Variants in PDE3B observed in about 807,000 individuals in gnomAD.
The protein encoded by PDE3B is phosphodiesterase 3B.
In PDE3B, 66 loss-of-function variants were observed where a neutral mutation model predicts 116.8. That is an observed-to-expected ratio of 0.56 (90% CI 0.46 to 0.69). The LOEUF (loss-of-function observed/expected upper bound fraction) is 0.69. Ranked by LOEUF, PDE3B falls within the 30% of genes least tolerant of loss-of-function variation. The pLI, the probability that PDE3B is intolerant of heterozygous loss-of-function variation, is 0.00. For synonymous variants in PDE3B, 595 were observed against 533.6 expected (o/e 1.12, Z -1.59); for missense variants, 1,384 against 1,368.1 (o/e 1.01, Z -0.18).
chr11:14,749,727 A>G (rs898134451), intron 1 of PDE3B, among the ~76,000 whole-genome samples: 2 of 151,298 alleles, frequency 1.3e-5, no homozygotes, highest in African/African-American at 4.9e-5. Flanking sequence ...AGAATCCATG[A>G]ATAGGATTCA....
intron 12 of PDE3B, among the ~76,000 whole-genome samples, chr11:14,855,596 C>G (rs1810344644): frequency 6.6e-6 from 1 of 151,922 alleles, no homozygotes; most frequent in Non-Finnish European, 1.5e-5. Flanking sequence ...CCTCATCGAA[C>G]TTACATTCTA....
chr11:14,889,745 A>C, the PDE3B span, among the ~76,000 whole-genome samples: 1 of 152,200 alleles, frequency 6.6e-6, no homozygotes, highest in African/African-American at 2.4e-5. Flanking sequence ...GAAAAGCTTA[A>C]TTCCTTTTTC....
At chr11:14,655,549 A>T (rs1488104237) in intron 1 of PDE3B, among the ~76,000 whole-genome samples, 4 of 152,156 alleles carry the variant, frequency 2.6e-5, no homozygotes, top group Non-Finnish European at 5.9e-5. Flanking sequence ...TCAATAAGAT[A>T]TGGTTCTATC....
At chr11:14,705,466 TCA>T (rs1855502826) in intron 1 of PDE3B, among the ~76,000 whole-genome samples, 1 of 151,790 alleles carries the variant, frequency 6.6e-6, no homozygotes, top group South Asian at 2.1e-4. Context: ...AGAAAGCAGA[TCA>T]GTGACTTGGG....
At chr11:14,878,465 C>G in the PDE3B span, among the ~76,000 whole-genome samples, 1 of 152,124 alleles carries the variant, frequency 6.6e-6, no homozygotes, top group Non-Finnish European at 1.5e-5. Flanking sequence ...ATTGACACTT[C>G]AGCAAGCAGA....
At chr11:14,892,610 T>C in the PDE3B span, among the ~76,000 whole-genome samples, 1 of 152,198 alleles carries the variant, frequency 6.6e-6, no homozygotes, top group Non-Finnish European at 1.5e-5. Flanking sequence ...CATTTCACAC[T>C]AGGAAAACTG....
chr11:14,824,432 G>A (rs1859623495), intron 7 of PDE3B, among the ~76,000 whole-genome samples: 1 of 152,184 alleles, frequency 6.6e-6, no homozygotes, highest in Non-Finnish European at 1.5e-5. Flanking sequence ...GAAATAGCCA[G>A]TATGAAAAGG....
chr11:14,798,573 T>A (rs979932242), intron 4 of PDE3B, among the ~76,000 whole-genome samples: 1 of 152,240 alleles, frequency 6.6e-6, no homozygotes, highest in Admixed American at 6.5e-5. Flanking sequence ...GACTTTTTTT[T>A]GGTTGGTAGG....
chr11:14,691,202 C>T (rs1425161365), intron 1 of PDE3B, among the ~76,000 whole-genome samples: 1 of 152,076 alleles, frequency 6.6e-6, no homozygotes, highest in Non-Finnish European at 1.5e-5. Flanking sequence ...TGTAATTTTT[C>T]TGCAAATCAA....
intron 4 of PDE3B, among the ~76,000 whole-genome samples, chr11:14,796,698 C>T (rs1400723256): frequency 6.6e-6 from 1 of 152,072 alleles, no homozygotes; most frequent in East Asian, 1.9e-4. Context: ...ATCTTTTGCC[C>T]ACTTTTTGAT....
At chr11:14,789,015 T>A in intron 3 of PDE3B, 91 bp from the exon 4 acceptor site, 1 of 865,000 alleles carries the variant, frequency 1.2e-6, no homozygotes, top group Non-Finnish European at 1.7e-6. Flanking sequence ...AAAATATACT[T>A]TGTATTGATA....
intron 1 of PDE3B, among the ~76,000 whole-genome samples, chr11:14,690,864 A>C (rs984295391): frequency 6.6e-6 from 1 of 152,184 alleles, no homozygotes; most frequent in South Asian, 2.1e-4. Context: ...CTTTTTAAAG[A>C]AAGTGGCAGT....
chr11:14,696,003 T>C (rs1855196641), intron 1 of PDE3B, among the ~76,000 whole-genome samples: 1 of 152,170 alleles, frequency 6.6e-6, no homozygotes, highest in Admixed American at 6.6e-5. Context: ...TACTGATTTA[T>C]ATTCCTTTGA....
chr11:14,747,333 AC>A (rs1325387951), intron 1 of PDE3B, among the ~76,000 whole-genome samples: 3 of 152,222 alleles, frequency 2.0e-5, no homozygotes, highest in African/African-American at 7.2e-5. Flanking sequence ...AGTGAATGAT[AC>A]TTACAGAATC....
chr11:14,824,321 A>G (rs531326649), intron 7 of PDE3B, among the ~76,000 whole-genome samples: 7 of 152,362 alleles, frequency 4.6e-5, no homozygotes, highest in Admixed American at 2.0e-4. Context: ...AATAGAATTC[A>G]GAATATGGAT....
At chr11:14,819,712 G>C (rs546649045) in intron 7 of PDE3B, among the ~76,000 whole-genome samples, 1 of 152,204 alleles carries the variant, frequency 6.6e-6, no homozygotes, top group African/African-American at 2.4e-5. Flanking sequence ...CATTTCCCCT[G>C]AGGGCAGCTA....
chr11:14,794,652 C>T (rs542739613), intron 4 of PDE3B, among the ~76,000 whole-genome samples: 21 of 152,256 alleles, frequency 1.4e-4, no homozygotes, highest in African/African-American at 4.8e-4. Context: ...CTGGAGATAG[C>T]GTCAGATCAT....
chr11:14,876,259 G>A (rs376006017), downstream of PDE3B, among the ~76,000 whole-genome samples: 1 of 152,084 alleles, frequency 6.6e-6, no homozygotes, highest in East Asian at 1.9e-4. Flanking sequence ...GCTCACACCT[G>A]TAATCCCAGT....
intron 1 of PDE3B, among the ~76,000 whole-genome samples, chr11:14,759,412 A>T (rs1464506444): frequency 3.3e-5 from 5 of 152,118 alleles, no homozygotes; most frequent in African/African-American, 1.2e-4. Flanking sequence ...AACAAGTTTA[A>T]ATCTGCACCA....
Sources: gnomAD v4.1 joint callset for allele counts (sites outside exome capture counted in the v4.1 genomes callset) on GRCh38, gnomAD v4.1.1 for gene constraint, MANE v1.5 for transcripts, NCBI Gene and HGNC (gene_info 2026-07-23, HGNC 2026-07-21) for gene names.